The following PARD3 variants were observed in gnomAD, a reference collection of about 807,000 sequenced individuals.
PARD3 encodes the protein par-3 family cell polarity regulator, also known as partitioning defective 3 homolog.
Under a neutral mutation model 155.4 loss-of-function variants are expected in PARD3, and 75 were observed. That is an observed-to-expected ratio of 0.48 (90% confidence interval 0.40 to 0.58). The LOEUF is 0.58. Among genes scored for constraint, PARD3 ranks in the 20% least tolerant of loss-of-function variants. PARD3 has a pLI of 0.00. For missense variants in PARD3, 1,642 were observed against 1,721.7 expected, an observed-to-expected ratio of 0.95 and a Z score of 0.82; for synonymous variants, 576 against 610.5, an observed-to-expected ratio of 0.94 and a Z score of 0.83.
intron 1 of PARD3, among the ~76,000 whole-genome samples, chr10:34,736,777 C>G (rs2094923874): frequency 6.6e-6 from 1 of 151,984 alleles, no homozygotes; most frequent in Admixed American, 6.6e-5. Flanking sequence ...CAGGTTCAAG[C>G]AATTCTCCTC....
intron 2 of PARD3, among the ~76,000 whole-genome samples, chr10:34,575,125 A>G (rs997432335): frequency 2.6e-5 from 4 of 152,144 alleles, no homozygotes; most frequent in African/African-American, 9.7e-5. Context: ...GATTACAAAC[A>G]TAAGCCATCA....
chr10:34,604,933 AT>A (rs2090100914), intron 2 of PARD3, among the ~76,000 whole-genome samples: 1 of 151,810 alleles, frequency 6.6e-6, no homozygotes, highest in African/African-American at 2.4e-5. Context: ...ACTAAAACCT[AT>A]TAGTCCATTT....
At chr10:34,693,166 T>C (rs1394858784) in intron 2 of PARD3, among the ~76,000 whole-genome samples, 2 of 152,180 alleles carry the variant, frequency 1.3e-5, no homozygotes, top group East Asian at 1.9e-4. Flanking sequence ...GTAAATTAGT[T>C]TGGCCATTGT....
intron 2 of PARD3, among the ~76,000 whole-genome samples, chr10:34,595,685 C>T (rs1156314692): frequency 2.6e-5 from 4 of 152,092 alleles, no homozygotes; most frequent in East Asian, 3.8e-4. Flanking sequence ...TAAGCTTTTA[C>T]ATTGAAACAG....
At position 34,333,079 on chromosome 10, in the gene PARD3, G is replaced by C. The variant is rs1263361757; in HGVS notation, c.2606-1735C>G. On this transcript the variant is annotated intron_variant, in intron 18 of 24. Coordinates refer to ENST00000374788, the MANE Select transcript of PARD3 (RefSeq NM_001184785.2). ...CTTTCATAATTTACCAGCTATATTT[G>C]GCTTCCATACACATGTATTGGGCAA... Among the ~76,000 whole-genome samples, 5 of 152,082 alleles carry C rather than the reference G, an allele frequency of 3.3e-5. No individual in the cohort carries two copies. The South Asian group carries it at 8.3e-4, about 25-fold the overall frequency.
intron 1 of PARD3, among the ~76,000 whole-genome samples, chr10:34,713,745 G>A (rs2094478831): frequency 6.6e-6 from 1 of 151,988 alleles, no homozygotes; most frequent in Admixed American, 6.6e-5. Context: ...CAGCCTGGGT[G>A]ACAAAGAGAG....
chr10:34,250,148 T>TCCCCC (rs199885357), intron 22 of PARD3, among the ~76,000 whole-genome samples: 14 of 147,258 alleles, frequency 9.5e-5, no homozygotes, highest in African/African-American at 3.5e-4. Flanking sequence ...AGAAAACTGC[T>TCCCCC]CCCCCTCCAC....
At chr10:34,264,421 T>G (rs150611827) in intron 22 of PARD3, among the ~76,000 whole-genome samples, 2 of 152,318 alleles carry the variant, frequency 1.3e-5, no homozygotes, top group African/African-American at 4.8e-5. Context: ...GTTTTTGGCT[T>G]CATGAAATAG....
intron 1 of PARD3, among the ~76,000 whole-genome samples, chr10:34,725,085 G>A (rs1444498901): frequency 6.7e-6 from 1 of 149,298 alleles, no homozygotes; most frequent in Non-Finnish European, 1.5e-5. Context: ...ATTGTTAAAA[G>A]GATTGAATGA....
At chr10:34,606,931 C>T (rs2090507496) in intron 2 of PARD3, among the ~76,000 whole-genome samples, 2 of 146,038 alleles carry the variant, frequency 1.4e-5, no homozygotes, top group African/African-American at 5.1e-5. Flanking sequence ...CACACCACTG[C>T]ACTCCAGCCT....
chr10:34,649,816 C>G (rs781734863), intron 2 of PARD3, among the ~76,000 whole-genome samples: 3 of 152,230 alleles, frequency 2.0e-5, no homozygotes, highest in Admixed American at 6.5e-5. Flanking sequence ...CTTAAACACA[C>G]ACACATTGGA....
chr10:34,691,884 G>A (rs971003235), intron 2 of PARD3, among the ~76,000 whole-genome samples: 3 of 152,190 alleles, frequency 2.0e-5, no homozygotes, highest in Non-Finnish European at 4.4e-5. Context: ...GGGATAACAG[G>A]CTAGCCATAT....
chr10:34,488,391 C>T (rs1589752787), intron 3 of PARD3, among the ~76,000 whole-genome samples: 1 of 152,218 alleles, frequency 6.6e-6, no homozygotes, highest in East Asian at 1.9e-4. Flanking sequence ...GCAATCTGGG[C>T]TCACTGCAGC....
chr10:34,480,547 C>T (rs901364830), intron 3 of PARD3, among the ~76,000 whole-genome samples: 3 of 152,152 alleles, frequency 2.0e-5, no homozygotes, highest in African/African-American at 7.2e-5. Context: ...CCTGTTTCTA[C>T]TTTTAACAGC....
chr10:34,470,505 T>C (rs2078280140), intron 3 of PARD3, among the ~76,000 whole-genome samples: 1 of 152,194 alleles, frequency 6.6e-6, no homozygotes, highest in African/African-American at 2.4e-5. Flanking sequence ...TGGACTTCAC[T>C]CCTTGTTATC....
At chr10:34,766,396 C>G (rs1838093439) in intron 1 of PARD3, among the ~76,000 whole-genome samples, 1 of 152,190 alleles carries the variant, frequency 6.6e-6, no homozygotes, top group African/African-American at 2.4e-5. Context: ...AAGCTACCAT[C>G]TGCTTCATAT....
chr10:34,493,139 G>A (rs1214149960), intron 3 of PARD3, among the ~76,000 whole-genome samples: 1 of 152,158 alleles, frequency 6.6e-6, no homozygotes, highest in South Asian at 2.1e-4. Context: ...TGAGTATCTG[G>A]CTGCATTTGT....
chr10:34,324,477 C>T (rs1404791204), intron 19 of PARD3, among the ~76,000 whole-genome samples: 5 of 152,070 alleles, frequency 3.3e-5, no homozygotes, highest in African/African-American at 1.2e-4. Flanking sequence ...ATACACCTCA[C>T]GAAGTGTGCA....
At chr10:34,716,924 T>C (rs1228109725) in intron 1 of PARD3, among the ~76,000 whole-genome samples, 3 of 152,074 alleles carry the variant, frequency 2.0e-5, no homozygotes, top group African/African-American at 7.2e-5. Flanking sequence ...CCAACACATA[T>C]TCATAAACTT....
Sources: gnomAD v4.1 joint callset for allele counts (sites outside exome capture counted in the v4.1 genomes callset) on GRCh38, gnomAD v4.1.1 for gene constraint, MANE v1.5 for transcripts, NCBI Gene and HGNC (gene_info 2026-07-23, HGNC 2026-07-21) for gene names.